Variants in DRC5 observed in about 807,000 individuals in gnomAD.
DRC5 encodes dynein regulatory complex subunit 5.
At chr6:44,281,135 G>T in the DRC5 span, among the ~76,000 whole-genome samples, 1 of 152,150 alleles carries the variant, frequency 6.6e-6, no homozygotes, top group Non-Finnish European at 1.5e-5. Context: ...ACCTAATGGA[G>T]GGCCCTGCTC....
chr6:44,293,331 G>T, the DRC5 span, among the ~76,000 whole-genome samples: 1 of 124,622 alleles, frequency 8.0e-6, no homozygotes, highest in Non-Finnish European at 1.7e-5. Context: ...AAAAAAAAAA[G>T]TCTGGGTGTG....
At chr6:44,286,593 GC>G in the DRC5 span, 8 of 1,476,324 alleles carry the variant, frequency 5.4e-6, no homozygotes, top group Non-Finnish European at 7.3e-6. Flanking sequence ...TCAACATGAT[GC>G]CTCAGGCTGG....
chr6:44,286,308 T>C, the DRC5 span: 2 of 1,613,428 alleles, frequency 1.2e-6, no homozygotes, highest in Non-Finnish European at 1.7e-6. Context: ...GTGCCTGGGA[T>C]AAAGTGCTTT....
chr6:44,287,769 G>A, the DRC5 span: 1 of 1,614,190 alleles, frequency 6.2e-7, no homozygotes, highest in South Asian at 1.1e-5. Context: ...TGTCCTGGGT[G>A]GAGACTGAGG....
the DRC5 span, chr6:44,285,896 A>G: frequency 7.3e-7 from 1 of 1,360,692 alleles, no homozygotes. Context: ...TAGAGGAGGA[A>G]GAGGAGGGGA....
chr6:44,281,118 T>G, the DRC5 span, among the ~76,000 whole-genome samples: 1 of 152,008 alleles, frequency 6.6e-6, no homozygotes, highest in African/African-American at 2.4e-5. Flanking sequence ...TAGTAGAGGG[T>G]TCAGTGACCT....
At chr6:44,279,826 A>G in the DRC5 span, 3 of 217,994 alleles carry the variant, frequency 1.4e-5, no homozygotes, top group Admixed American at 1.6e-4. Context: ...TTGGTAGAGA[A>G]GAAAATGGTG....
At chr6:44,286,042 G>A in the DRC5 span, 1 of 1,614,036 alleles carries the variant, frequency 6.2e-7, no homozygotes, top group Non-Finnish European at 8.5e-7. Flanking sequence ...GATTCCACTC[G>A]AAATTCATGC....
the DRC5 span, chr6:44,280,482 CA>C: frequency 2.2e-6 from 2 of 898,888 alleles, no homozygotes; most frequent in Non-Finnish European, 3.4e-6. Flanking sequence ...GTGACTAAAA[CA>C]AAAGTTTCAC....
the DRC5 span, among the ~76,000 whole-genome samples, chr6:44,289,011 A>G: frequency 6.9e-5 from 10 of 144,426 alleles, no homozygotes; most frequent in African/African-American, 2.5e-4. Flanking sequence ...AAAAAAAAAA[A>G]AAAAAAAAAA....
chr6:44,282,262 G>C, the DRC5 span: 1 of 1,614,228 alleles, frequency 6.2e-7, no homozygotes, highest in East Asian at 2.2e-5. Context: ...GCATGGGCAA[G>C]AGCCTGGCCA....
chr6:44,290,230 G>A, the DRC5 span, among the ~76,000 whole-genome samples: 2 of 152,170 alleles, frequency 1.3e-5, no homozygotes, highest in Non-Finnish European at 2.9e-5. Context: ...TTCTGGCTTT[G>A]TCAGTTATGT....
At chr6:44,280,458 ATT>A in the DRC5 span, 4 of 1,194,526 alleles carry the variant, frequency 3.3e-6, no homozygotes, top group African/African-American at 4.6e-5. Context: ...CATACTACAC[ATT>A]TTCAGGTAGA....
the DRC5 span, chr6:44,279,456 A>C: frequency 6.6e-6 from 1 of 152,142 alleles, no homozygotes; most frequent in African/African-American, 2.4e-5. Context: ...TTCCTGTCCC[A>C]GTGTGGCACT....
chr6:44,281,853 C>A, the DRC5 span, among the ~76,000 whole-genome samples: 1 of 152,242 alleles, frequency 6.6e-6, no homozygotes, highest in Middle Eastern at 3.4e-3. Flanking sequence ...ACTTAGTTTT[C>A]CATCTAGAAA....
At chr6:44,287,600 C>T in the DRC5 span, 255 of 1,614,038 alleles carry the variant, frequency 1.6e-4, 2 homozygotes, top group African/African-American at 2.5e-3. Context: ...AGGAGGGGCA[C>T]GATGGCCAGT....
the DRC5 span, chr6:44,280,519 C>T: frequency 7.3e-5 from 50 of 682,228 alleles, 1 homozygote; most frequent in Admixed American, 2.1e-4. Flanking sequence ...CTATTTGTGA[C>T]GCATGATGAC....
chr6:44,293,580 G>A, the DRC5 span, among the ~76,000 whole-genome samples: 3 of 152,150 alleles, frequency 2.0e-5, no homozygotes, highest in African/African-American at 7.2e-5. Context: ...ACACCTATGA[G>A]AGCTGGGGCC....
chr6:44,283,559 T>C, the DRC5 span, among the ~76,000 whole-genome samples: 1 of 152,230 alleles, frequency 6.6e-6, no homozygotes, highest in Non-Finnish European at 1.5e-5. Flanking sequence ...CTCCTTTTTA[T>C]ACCCCTCTTA....
Sources: gnomAD v4.1 joint callset for allele counts (sites outside exome capture counted in the v4.1 genomes callset) on GRCh38, gnomAD v4.1.1 for gene constraint, MANE v1.5 for transcripts, NCBI Gene and HGNC (gene_info 2026-07-23, HGNC 2026-07-21) for gene names.